The following ACOXL variants were observed in gnomAD, a reference collection of about 807,000 sequenced individuals.
ACOXL encodes acyl-CoA oxidase like.
Under a neutral mutation model 71.9 loss-of-function variants are expected in ACOXL, and 70 were observed. The observed-to-expected ratio is 0.97, with a 90% CI of 0.80 to 1.19. The LOEUF (loss-of-function observed/expected upper bound fraction) is 1.19. Ranked by LOEUF, ACOXL falls within the 50% of genes most tolerant of loss-of-function variation. ACOXL has a pLI of 0.00. For synonymous variants in ACOXL, 253 were observed against 281.6 expected, an observed-to-expected ratio of 0.90 and a Z score of 1.02; for missense variants, 703 against 736.3, an observed-to-expected ratio of 0.95 and a Z score of 0.52.
At chr2:110,811,909 G>A (rs72832842) in intron 9 of ACOXL, among the ~76,000 whole-genome samples, 7,777 of 152,156 alleles carry the variant, frequency 0.051, 324 homozygotes, top group African/African-American at 0.1. Flanking sequence ...CTGGTGTGGA[G>A]ACTTCTTGGA....
rs1157437849 is a variant in ACOXL at position 110,908,923 on chromosome 2, G to T, written c.905+18G>T. On this transcript the variant is annotated intron_variant, in intron 11 of 17. Transcript: ENST00000439055. ...GTCAGCAGGTGAGATGGCTCTCAGG[G>T]TTTGCTCTCTTAGGGTAAGTGTGAT... 24 of 1,600,244 alleles carry T rather than the reference G, an allele frequency of 1.5e-5. No homozygotes were observed. The highest frequency in any genetic ancestry group is 2.7e-5 in the African/African-American group (2 of 74,730).
At chr2:110,945,266 A>G (rs2061052445) in intron 12 of ACOXL, among the ~76,000 whole-genome samples, 2 of 151,810 alleles carry the variant, frequency 1.3e-5, no homozygotes, top group South Asian at 4.2e-4. Flanking sequence ...TAGTTGGCAA[A>G]TATTTTCTCC....
rs185638939 is a variant in ACOXL at position 111,050,978 on chromosome 2, A to G, written c.1440+1690A>G. 1.6e-3 allele frequency among the ~76,000 whole-genome samples: 248 copies of G among 152,286 alleles called. 3 individuals carry two copies. The highest frequency in any genetic ancestry group is 1.6e-4 in the Non-Finnish European group (11 of 68,024). ...AGATTGGGGTTGGGAGAGGAAGGCTAAGATGGCCTGAGGTTTCCTGGAATT... is the reference window on the plus strand; with the variant it reads ...AGATTGGGGTTGGGAGAGGAAGGCTGAGATGGCCTGAGGTTTCCTGGAATT... On this transcript the variant is annotated intron_variant, in intron 16 of 17. Coordinates refer to ENST00000439055, the MANE Select transcript of ACOXL (RefSeq NM_001142807.4).
At chr2:111,042,993 T>C (rs569353183) in intron 15 of ACOXL, among the ~76,000 whole-genome samples, 36 of 152,280 alleles carry the variant, frequency 2.4e-4, no homozygotes, top group Non-Finnish European at 4.1e-4. Context: ...CCTTGGGAAG[T>C]GCTGAGATCC....
chr2:110,822,760 TATC>T (rs1688765118), intron 9 of ACOXL, among the ~76,000 whole-genome samples: 1 of 152,204 alleles, frequency 6.6e-6, no homozygotes, highest in Non-Finnish European at 1.5e-5. Context: ...CCCATTAAAG[TATC>T]ATAGAGAGTA....
At chr2:111,001,673 G>A (rs190421821) in intron 14 of ACOXL, among the ~76,000 whole-genome samples, 23 of 152,220 alleles carry the variant, frequency 1.5e-4, no homozygotes, top group Non-Finnish European at 2.2e-4. Context: ...ATCCTGTCCC[G>A]TCCCACCATT....
At chr2:111,079,934 T>C (rs2067814509) in intron 16 of ACOXL, among the ~76,000 whole-genome samples, 1 of 152,152 alleles carries the variant, frequency 6.6e-6, no homozygotes, top group Admixed American at 6.5e-5. Context: ...TTCAACTTCT[T>C]CCTGGTTTAG....
chr2:110,886,254 T>A (rs1697273124), intron 10 of ACOXL, among the ~76,000 whole-genome samples: 1 of 152,210 alleles, frequency 6.6e-6, no homozygotes, highest in Non-Finnish European at 1.5e-5. Context: ...TATATTATTT[T>A]AATGTTAAAA....
At chr2:110,855,007 A>G (rs749258219) in intron 10 of ACOXL, among the ~76,000 whole-genome samples, 7 of 152,202 alleles carry the variant, frequency 4.6e-5, no homozygotes, top group Non-Finnish European at 8.8e-5. Flanking sequence ...GTCTTGTTTG[A>G]AAGGAAACCT....
At chr2:110,904,927 G>T (rs939940093) in intron 10 of ACOXL, among the ~76,000 whole-genome samples, 10 of 152,118 alleles carry the variant, frequency 6.6e-5, no homozygotes, top group African/African-American at 2.2e-4. Flanking sequence ...CGGGAATGGG[G>T]TCCTGAACTG....
intron 10 of ACOXL, among the ~76,000 whole-genome samples, chr2:110,900,836 A>T (rs1480185488): frequency 6.6e-6 from 1 of 152,236 alleles, no homozygotes; most frequent in Non-Finnish European, 1.5e-5. Flanking sequence ...TATCAGATCC[A>T]GGGTGACCCT....
chr2:110,925,152 G>A (rs2060223623), intron 11 of ACOXL, among the ~76,000 whole-genome samples: 1 of 152,228 alleles, frequency 6.6e-6, no homozygotes, highest in Admixed American at 6.5e-5. Context: ...ACCAGGTGCT[G>A]TTGTTTCATT....
intron 17 of ACOXL, among the ~76,000 whole-genome samples, chr2:111,110,401 C>T (rs1204203482): frequency 2.0e-5 from 3 of 152,170 alleles, no homozygotes; most frequent in Non-Finnish European, 4.4e-5. Flanking sequence ...TGAACTCCAG[C>T]GCAGCTCCAA....
intron 2 of ACOXL, among the ~76,000 whole-genome samples, chr2:110,783,192 C>G (rs1274160147): frequency 6.6e-6 from 1 of 152,188 alleles, no homozygotes; most frequent in African/African-American, 2.4e-5. Flanking sequence ...GTCAGTCTTT[C>G]CTGTCCTGTT....
intron 1 of ACOXL, among the ~76,000 whole-genome samples, chr2:110,746,628 A>G (rs149793868): frequency 6.6e-5 from 10 of 152,280 alleles, no homozygotes; most frequent in African/African-American, 2.2e-4. Context: ...TTTGCACCGT[A>G]GACGCCTGCA....
At chr2:110,802,182 A>T (rs1045135018) in intron 8 of ACOXL, among the ~76,000 whole-genome samples, 2 of 152,186 alleles carry the variant, frequency 1.3e-5, no homozygotes, top group Non-Finnish European at 2.9e-5. Context: ...TATGTAATCA[A>T]TTTCTTATTG....
At chr2:110,831,482 G>GT (rs1250741129) in intron 9 of ACOXL, among the ~76,000 whole-genome samples, 6 of 152,186 alleles carry the variant, frequency 3.9e-5, no homozygotes, top group African/African-American at 1.4e-4. Context: ...CACGTACCAT[G>GT]TTTATACATT....
chr2:110,791,147 C>T (rs1353127955), intron 3 of ACOXL, among the ~76,000 whole-genome samples: 1 of 152,252 alleles, frequency 6.6e-6, no homozygotes, highest in Admixed American at 6.5e-5. Flanking sequence ...AGCTGCCCTT[C>T]AGAGAATGTG....
chr2:111,084,258 T>TACACACAC lies in ACOXL; in HGVS notation c.1441-8563_1441-8556dup, dbSNP rs61263209. On this transcript the variant is annotated intron_variant, in intron 16 of 17. Coordinates refer to ENST00000439055, the MANE Select transcript of ACOXL (RefSeq NM_001142807.4). ...GTCTTACGGACACAGATCTAAGGAA[T>TACACACAC]ACACACACACACACACACACACACA... 2.0e-4 allele frequency among the ~76,000 whole-genome samples: 27 copies of TACACACAC among 135,014 alleles called. No individual in the cohort carries two copies. In the East Asian group the frequency reaches 2.1e-3, roughly 10 times the overall value. The allele number at this position is 135,014 out of a possible 152,430, so 88.6% of individuals were successfully genotyped here.
Sources: gnomAD v4.1 joint callset for allele counts (sites outside exome capture counted in the v4.1 genomes callset) on GRCh38, gnomAD v4.1.1 for gene constraint, MANE v1.5 for transcripts, NCBI Gene and HGNC (gene_info 2026-07-23, HGNC 2026-07-21) for gene names.